The following SCHIP1 variants were observed in gnomAD, a reference collection of about 807,000 sequenced individuals.
The protein encoded by SCHIP1 is schwannomin-interacting protein 1.
In SCHIP1, 8 loss-of-function variants were observed where a neutral mutation model predicts 29.7. The observed-to-expected ratio is 0.27, with a 90% CI of 0.16 to 0.49. The LOEUF (loss-of-function observed/expected upper bound fraction) is 0.49, where lower values mean the gene tolerates loss of function less well. Among genes scored for constraint, SCHIP1 ranks in the 20% least tolerant of loss-of-function variants. SCHIP1 has a pLI of 0.99. For missense variants in SCHIP1, 193 were observed against 294.6 expected, an observed-to-expected ratio of 0.66 and a Z score of 2.52; for synonymous variants, 76 against 94.9, an observed-to-expected ratio of 0.80 and a Z score of 1.16.
the SCHIP1 span, among the ~76,000 whole-genome samples, chr3:159,400,661 A>G: frequency 0.027 from 4,057 of 152,306 alleles, 178 homozygotes; most frequent in African/African-American, 0.093. Flanking sequence ...TGCTTACCAG[A>G]AATCCTCAGG....
At chr3:159,784,889 A>G in the SCHIP1 span, among the ~76,000 whole-genome samples, 1 of 152,190 alleles carries the variant, frequency 6.6e-6, no homozygotes, top group African/African-American at 2.4e-5. Flanking sequence ...CCTGACCTCA[A>G]GTGATCCACC....
intron 1 of SCHIP1, among the ~76,000 whole-genome samples, chr3:159,841,630 G>A (rs967973201): frequency 1.3e-5 from 2 of 152,064 alleles, no homozygotes; most frequent in Admixed American, 6.6e-5. Flanking sequence ...CTTTTCATTA[G>A]GTTGAACATA....
chr3:159,469,502 G>A, the SCHIP1 span, among the ~76,000 whole-genome samples: 1 of 152,082 alleles, frequency 6.6e-6, no homozygotes, highest in Non-Finnish European at 1.5e-5. Context: ...TAATGAGATA[G>A]TTAATATCAA....
the SCHIP1 span, among the ~76,000 whole-genome samples, chr3:159,641,066 C>T: frequency 1.3e-5 from 2 of 152,096 alleles, no homozygotes; most frequent in Non-Finnish European, 2.9e-5. Context: ...CCAACATTCT[C>T]ATAAATTTTT....
the SCHIP1 span, among the ~76,000 whole-genome samples, chr3:159,769,723 C>T: frequency 1.3e-4 from 20 of 152,098 alleles, no homozygotes; most frequent in Non-Finnish European, 1.6e-4. Context: ...GCACTCCAGC[C>T]TGGGTGACAA....
the SCHIP1 span, among the ~76,000 whole-genome samples, chr3:159,632,863 A>G: frequency 6.6e-6 from 1 of 152,220 alleles, no homozygotes; most frequent in African/African-American, 2.4e-5. Context: ...GTGGACCCCT[A>G]GCTTGAAAGC....
chr3:159,750,296 T>TATACATATATACAC, the SCHIP1 span, among the ~76,000 whole-genome samples: 2 of 132,744 alleles, frequency 1.5e-5, no homozygotes, highest in Admixed American at 7.7e-5. Context: ...TATATATATA[T>TATACATATATACAC]ACACACACAC....
the SCHIP1 span, among the ~76,000 whole-genome samples, chr3:159,729,982 G>A: frequency 6.6e-6 from 1 of 152,090 alleles, no homozygotes. Context: ...TCCAAGATAT[G>A]TTGTTAAATA....
At chr3:159,872,066 AC>A (rs1257365208) in intron 2 of SCHIP1, among the ~76,000 whole-genome samples, 1 of 151,866 alleles carries the variant, frequency 6.6e-6, no homozygotes, top group African/African-American at 2.4e-5. Context: ...AATACTCCCC[AC>A]CCATCTGCAT....
chr3:159,835,521 C>T (rs1743576955), upstream of SCHIP1, among the ~76,000 whole-genome samples: 1 of 152,210 alleles, frequency 6.6e-6, no homozygotes, highest in Non-Finnish European at 1.5e-5. Context: ...CAATTCCTCT[C>T]ATTTACTTGA....
At chr3:159,770,601 AAG>A in the SCHIP1 span, among the ~76,000 whole-genome samples, 5 of 152,314 alleles carry the variant, frequency 3.3e-5, no homozygotes, top group East Asian at 9.7e-4. Flanking sequence ...AACTAGAAAT[AAG>A]AACGGCTTGA....
At chr3:159,284,680 A>G in the SCHIP1 span, among the ~76,000 whole-genome samples, 24,411 of 151,734 alleles carry the variant, frequency 0.16, 2,262 homozygotes, top group Middle Eastern at 0.26. Flanking sequence ...TTTCTTTAGT[A>G]GAGATTGGGT....
chr3:159,347,226 T>G, the SCHIP1 span, among the ~76,000 whole-genome samples: 1,699 of 152,326 alleles, frequency 0.011, 20 homozygotes, highest in South Asian at 0.033. Context: ...GAAAACAAGG[T>G]GCACCAAAGG....
At chr3:159,512,503 T>C in the SCHIP1 span, among the ~76,000 whole-genome samples, 2 of 152,208 alleles carry the variant, frequency 1.3e-5, no homozygotes, top group African/African-American at 4.8e-5. Flanking sequence ...TTGTTTGTCA[T>C]AGAAAGAATA....
the SCHIP1 span, among the ~76,000 whole-genome samples, chr3:159,642,978 G>A: frequency 3.9e-5 from 6 of 152,070 alleles, no homozygotes; most frequent in Admixed American, 2.6e-4. Context: ...TGGGAGGAGG[G>A]AGGTAAAGGT....
At chr3:159,655,369 C>T in the SCHIP1 span, among the ~76,000 whole-genome samples, 4,377 of 152,000 alleles carry the variant, frequency 0.029, 136 homozygotes, top group East Asian at 0.17. Context: ...ACAATGGTAG[C>T]AGTAGTAGTA....
At chr3:159,814,398 A>G in the SCHIP1 span, among the ~76,000 whole-genome samples, 2 of 152,322 alleles carry the variant, frequency 1.3e-5, no homozygotes, top group Admixed American at 6.5e-5. Context: ...AATCTCTACC[A>G]GAGAGTCAGC....
chr3:159,392,682 T>C, the SCHIP1 span, among the ~76,000 whole-genome samples: 1 of 152,022 alleles, frequency 6.6e-6, no homozygotes. Flanking sequence ...ATGGTGTATA[T>C]GTGCCACATT....
chr3:159,626,251 T>TAGATAG, the SCHIP1 span, among the ~76,000 whole-genome samples: 69 of 93,732 alleles, frequency 7.4e-4, no homozygotes, highest in East Asian at 2.1e-3. Context: ...TATCTATCTA[T>TAGATAG]ATAGATAGAT....
Sources: allele counts gnomAD v4.1 joint callset (sites outside exome capture counted in the v4.1 genomes callset), GRCh38; gene constraint gnomAD v4.1.1; transcripts MANE v1.5; gene names NCBI Gene and HGNC (gene_info 2026-07-23, HGNC 2026-07-21).